Variants in BMPR1A observed in about 807,000 individuals in gnomAD.
BMPR1A encodes bone morphogenetic protein receptor type 1A, also known as bone morphogenetic protein receptor type-1A.
BMPR1A carries 7 observed loss-of-function variants against 66.0 expected under a neutral mutation model. The observed-to-expected ratio is 0.11, with a 90% CI of 0.06 to 0.20. The LOEUF (loss-of-function observed/expected upper bound fraction) is 0.20, where lower values mean the gene tolerates loss of function less well. Among genes scored for constraint, BMPR1A ranks in the 10% least tolerant of loss-of-function variants. BMPR1A has a pLI of 1.00. For synonymous variants in BMPR1A, 200 were observed against 229.7 expected, an observed-to-expected ratio of 0.87 and a Z score of 1.17; for missense variants, 408 against 669.1, an observed-to-expected ratio of 0.61 and a Z score of 4.31.
chr10:86,866,276 TTC>T (rs1236164044), intron 2 of BMPR1A, among the ~76,000 whole-genome samples: 18 of 150,484 alleles, frequency 1.2e-4, no homozygotes, highest in Admixed American at 3.4e-4. Flanking sequence ...ACACAGTACT[TTC>T]TGTTTTTTAA....
At chr10:86,873,964 A>G (rs74903005) in intron 2 of BMPR1A, among the ~76,000 whole-genome samples, 5,154 of 152,316 alleles carry the variant, frequency 0.034, 199 homozygotes, top group African/African-American at 0.093. Flanking sequence ...TCTTTGCCTC[A>G]GTACTGTGAA....
chr10:86,921,273 C>A (rs1159200462), intron 10 of BMPR1A, among the ~76,000 whole-genome samples: 1 of 152,002 alleles, frequency 6.6e-6, no homozygotes, highest in South Asian at 2.1e-4. Flanking sequence ...GGAGGACTAT[C>A]GGACTTAGTG....
intron 3 of BMPR1A, among the ~76,000 whole-genome samples, chr10:86,883,038 G>GAGAA (rs1444303255): frequency 6.6e-6 from 1 of 152,146 alleles, no homozygotes; most frequent in Admixed American, 6.6e-5. Flanking sequence ...TCTAAGTAGA[G>GAGAA]AGAATAATAT....
chr10:86,806,210 T>G (rs1841887781), intron 1 of BMPR1A, among the ~76,000 whole-genome samples: 6 of 152,220 alleles, frequency 3.9e-5, no homozygotes, highest in Admixed American at 3.9e-4. Context: ...TACCTGTCAT[T>G]GGTCATGTTA....
intron 7 of BMPR1A, among the ~76,000 whole-genome samples, chr10:86,904,475 A>G (rs1843356876): frequency 6.6e-6 from 1 of 152,226 alleles, no homozygotes; most frequent in South Asian, 2.1e-4. Flanking sequence ...AAAACATCAC[A>G]GACTTTGAAT....
chr10:86,875,819 C>T, intron 2 of BMPR1A, 48 bp from the exon 3 acceptor site: 1 of 590,574 alleles, frequency 1.7e-6, no homozygotes, highest in Non-Finnish European at 3.0e-6. Context: ...TGAAAAATTT[C>T]CAAAATTCAG....
chr10:86,888,419 G>A (rs189411222), intron 3 of BMPR1A, among the ~76,000 whole-genome samples: 13 of 152,302 alleles, frequency 8.5e-5, no homozygotes, highest in Non-Finnish European at 1.9e-4. Context: ...AGTGAGTCGA[G>A]ATTGCACCAG....
At chr10:86,853,911 A>G (rs1202529291) in intron 2 of BMPR1A, among the ~76,000 whole-genome samples, 2 of 152,212 alleles carry the variant, frequency 1.3e-5, no homozygotes, top group East Asian at 1.9e-4. Context: ...CATTGATAAC[A>G]TCTTATCAGG....
intron 8 of BMPR1A, 149 bp downstream of exon 8, chr10:86,912,533 G>T: frequency 3.1e-6 from 3 of 973,224 alleles, no homozygotes; most frequent in Non-Finnish European, 3.1e-6. Flanking sequence ...GTATTGCAAG[G>T]TGAAATTAGT....
intron 2 of BMPR1A, among the ~76,000 whole-genome samples, chr10:86,839,348 T>G (rs1258983408): frequency 6.6e-6 from 1 of 152,080 alleles, no homozygotes; most frequent in Non-Finnish European, 1.5e-5. Flanking sequence ...ATCCCAGCAC[T>G]TTGGGAGGCT....
intron 1 of BMPR1A, among the ~76,000 whole-genome samples, chr10:86,776,123 C>T (rs371629595): frequency 9.2e-5 from 14 of 152,220 alleles, no homozygotes; most frequent in Admixed American, 6.5e-4. Context: ...GGGTAAAATA[C>T]GTAAGACTTG....
At chr10:86,893,181 C>G (rs534181521) in intron 5 of BMPR1A, among the ~76,000 whole-genome samples, 1 of 152,090 alleles carries the variant, frequency 6.6e-6, no homozygotes. Flanking sequence ...TTGTATCACT[C>G]TGAGACAACT....
At chr10:86,824,939 G>A (rs1842171826) in intron 1 of BMPR1A, among the ~76,000 whole-genome samples, 1 of 152,012 alleles carries the variant, frequency 6.6e-6, no homozygotes, top group African/African-American at 2.4e-5. Context: ...GAAAAATATT[G>A]TAAATATAAT....
chr10:86,885,244 GA>G (rs1394671448), intron 3 of BMPR1A, among the ~76,000 whole-genome samples: 4 of 152,138 alleles, frequency 2.6e-5, no homozygotes, highest in African/African-American at 9.7e-5. Context: ...AAAATCAAGG[GA>G]ATATTTAATG....
intron 9 of BMPR1A, 126 bp downstream of exon 9, chr10:86,917,452 T>C: frequency 2.7e-6 from 3 of 1,131,682 alleles, no homozygotes; most frequent in South Asian, 2.7e-5. Flanking sequence ...GGAAACCTAG[T>C]AGAATACACG....
intron 2 of BMPR1A, among the ~76,000 whole-genome samples, chr10:86,844,695 G>A (rs757850122): frequency 6.6e-6 from 1 of 152,208 alleles, no homozygotes; most frequent in Non-Finnish European, 1.5e-5. Flanking sequence ...TGTAAAACTG[G>A]AAGACATTAC....
Position 86,790,222 on chromosome 10 carries a change from T to TATATATATAAAA in BMPR1A, c.-268+33312_-268+33313insAAAATATATATA, listed in dbSNP as rs1554878875. Among the ~76,000 whole-genome samples the TATATATATAAAA allele has an allele frequency of 3.5e-5, 2 of 57,156 alleles. 1 individual carries two copies. The highest frequency in any genetic ancestry group is 1.2e-4 in the African/African-American group (2 of 16,268). The allele number at this position is 57,156 out of a possible 152,430, so 37.5% of individuals were successfully genotyped here. On this transcript the variant is annotated intron_variant, in intron 1 of 12. Coordinates refer to ENST00000372037, the MANE Select transcript of BMPR1A (RefSeq NM_004329.3). ...ATATATATATATATATATATATATA[T>TATATATATAAAA]ATATATATATATATCAAAACCACAA...
intron 1 of BMPR1A, among the ~76,000 whole-genome samples, chr10:86,775,067 G>A (rs1841324782): frequency 1.3e-5 from 2 of 152,168 alleles, no homozygotes; most frequent in Non-Finnish European, 1.5e-5. Flanking sequence ...AAGCTGAAGC[G>A]AAAAAGTTGT....
At chr10:86,864,415 T>C (rs1007804659) in intron 2 of BMPR1A, among the ~76,000 whole-genome samples, 1 of 152,218 alleles carries the variant, frequency 6.6e-6, no homozygotes, top group African/African-American at 2.4e-5. Context: ...TTCCGTAGCC[T>C]GTCTAATGAC....
Sources: allele counts gnomAD v4.1 joint callset (sites outside exome capture counted in the v4.1 genomes callset), GRCh38; gene constraint gnomAD v4.1.1; transcripts MANE v1.5; gene names NCBI Gene and HGNC (gene_info 2026-07-23, HGNC 2026-07-21).